The following OSBP2 variants were observed in gnomAD, a reference collection of about 807,000 sequenced individuals.
OSBP2 encodes the protein oxysterol-binding protein 2.
In OSBP2, 66 loss-of-function variants were observed where a neutral mutation model predicts 96.0. That is an observed-to-expected ratio of 0.69 (90% CI 0.56 to 0.84). The LOEUF (loss-of-function observed/expected upper bound fraction) is 0.84, where lower values mean the gene tolerates loss of function less well. Ranked by LOEUF, OSBP2 falls within the 40% of genes least tolerant of loss-of-function variation. The probability of loss-of-function intolerance (pLI) is 0.00; values close to 1 mark genes in which losing one functional copy is unlikely to be tolerated. For synonymous variants in OSBP2, 525 were observed against 520.9 expected (o/e 1.01, Z -0.11); for missense variants, 1,038 against 1,222.7 (o/e 0.85, Z 2.25).
intron 2 of OSBP2, among the ~76,000 whole-genome samples, chr22:30,762,866 C>T (rs1287473336): frequency 6.6e-6 from 1 of 152,208 alleles, no homozygotes; most frequent in Non-Finnish European, 1.5e-5. Context: ...TTAGTCTGAG[C>T]ATGGGCTTCC....
Position 30,893,062 on chromosome 22 carries a change from G to A in OSBP2, c.1870-60G>A. 4 of 1,597,926 alleles carry A rather than the reference G, an allele frequency of 2.5e-6. No individual in the cohort carries two copies. In the East Asian group the frequency reaches 6.7e-5, roughly 27 times the overall value. ...GGGCAAGCTGTCCCTCCCTGGCTGGGGCAAGTGGAACCTGGGCTCATGTCT... is the reference window on the plus strand; with the variant it reads ...GGGCAAGCTGTCCCTCCCTGGCTGGAGCAAGTGGAACCTGGGCTCATGTCT... On this transcript the variant is annotated intron_variant, in intron 8 of 13. Coordinates refer to ENST00000332585, the MANE Select transcript of OSBP2 (RefSeq NM_030758.4).
intron 3 of OSBP2, among the ~76,000 whole-genome samples, chr22:30,875,199 G>T (rs1314531841): frequency 2.6e-5 from 4 of 152,110 alleles, no homozygotes; most frequent in Non-Finnish European, 5.9e-5. Flanking sequence ...AGCCTGCCGA[G>T]GTCACCCCTG....
chr22:30,764,500 G>A (rs2090246321), intron 2 of OSBP2: 2 of 634,272 alleles, frequency 3.2e-6, no homozygotes, highest in Non-Finnish European at 3.9e-6. Context: ...AACAGCTCTC[G>A]GGAACCCTGC....
intron 2 of OSBP2, among the ~76,000 whole-genome samples, chr22:30,862,489 G>T (rs532559514): frequency 1.1e-4 from 17 of 152,298 alleles, no homozygotes; most frequent in African/African-American, 4.1e-4. Context: ...AGACCAGCCT[G>T]GCCAATATGG....
Position 30,822,593 on chromosome 22 carries a change from T to C in OSBP2, c.854-47836T>C, listed in dbSNP as rs1162550696. 3 of 1,523,464 alleles carry C rather than the reference T, an allele frequency of 2.0e-6. No individual in the cohort carries two copies. In the African/African-American group the frequency reaches 4.1e-5, roughly 21 times the overall value. 94.4% of individuals were successfully genotyped at this position (1,523,464 alleles called of 1,614,324 possible). A position where few individuals can be genotyped will look rare whatever the true frequency, so the allele number is the denominator to read the frequency against. ...CAAGCCCCCGGGACCCGGCGCCATG[T>C]AGCGCCCCGCCGATTGGAGGCTGCC... On this transcript the variant is annotated intron_variant, in intron 2 of 13. Coordinates refer to ENST00000332585, the MANE Select transcript of OSBP2 (RefSeq NM_030758.4).
Position 30,906,051 on chromosome 22 carries a change from AGCT to A in OSBP2, c.2593_2595del (p.Cys865del), listed in dbSNP as rs775790679. 1 of 1,558,718 alleles carries A rather than the reference AGCT, an allele frequency of 6.4e-7. No homozygotes were observed. Among genetic ancestry groups the A allele is most frequent in the Admixed American group, 1.9e-5 (1 of 51,896 alleles). On this transcript the variant is annotated inframe_deletion, in exon 13 of 14. Transcript: ENST00000332585. The stretch of plus-strand genomic sequence containing the variant: ...GCTGGAGGCCTGCGGGCCGGGCAGC[AGCT>A]GCAGCTCGGAGGAAGGTGAGGCCGG...
chr22:30,903,749 C>G (rs1432881531), intron 12 of OSBP2, among the ~76,000 whole-genome samples: 1 of 152,210 alleles, frequency 6.6e-6, no homozygotes, highest in Non-Finnish European at 1.5e-5. Flanking sequence ...CGGTGTTTCC[C>G]CAAATCCCTG....
At chr22:30,902,539 G>A in intron 12 of OSBP2, 2 of 1,354,614 alleles carry the variant, frequency 1.5e-6, no homozygotes, top group South Asian at 1.2e-5. Flanking sequence ...GGCAGGGGAG[G>A]TAGTCACCCA....
At chr22:30,815,900 A>T (rs2091077846) in intron 2 of OSBP2, among the ~76,000 whole-genome samples, 1 of 152,228 alleles carries the variant, frequency 6.6e-6, no homozygotes. Flanking sequence ...ATAATGATGC[A>T]GTAAATATCT....
At chr22:30,732,919 G>C (rs1401168545) in intron 1 of OSBP2, among the ~76,000 whole-genome samples, 2 of 152,192 alleles carry the variant, frequency 1.3e-5, no homozygotes, top group African/African-American at 4.8e-5. Context: ...ACAGCTGCTA[G>C]GCTGAAATGG....
rs529770198 is a variant in OSBP2 at position 30,790,239 on chromosome 22, G to A, written c.853+48870G>A. 1.3e-3 allele frequency among the ~76,000 whole-genome samples: 202 copies of A among 152,098 alleles called. 1 individual carries two copies. Among genetic ancestry groups the A allele is most frequent in the African/African-American group, 4.8e-3 (197 of 41,466 alleles). The stretch of plus-strand genomic sequence containing the variant: ...TGGCCTACAGGGATTCCGGGTTCAG[G>A]AAAGACTTTGAATCTGCAGCCACAT... On this transcript the variant is annotated intron_variant, in intron 2 of 13. Coordinates refer to ENST00000332585, the MANE Select transcript of OSBP2 (RefSeq NM_030758.4).
chr22:30,756,587 G>A (rs764843795), intron 2 of OSBP2, among the ~76,000 whole-genome samples: 16 of 152,188 alleles, frequency 1.1e-4, no homozygotes, highest in Non-Finnish European at 2.1e-4. Flanking sequence ...CAGCTACTCA[G>A]GAGGCTGAGG....
intron 1 of OSBP2, among the ~76,000 whole-genome samples, chr22:30,730,502 A>G (rs573917455): frequency 6.6e-6 from 1 of 150,536 alleles, no homozygotes; most frequent in Admixed American, 6.7e-5. Context: ...TTTTGTATCT[A>G]CTCCCTCCCC....
intron 2 of OSBP2, among the ~76,000 whole-genome samples, chr22:30,864,437 C>T (rs893549273): frequency 2.6e-5 from 4 of 152,076 alleles, no homozygotes; most frequent in East Asian, 1.9e-4. Context: ...GTGTGTGCGG[C>T]GTGGCTCAGG....
intron 2 of OSBP2, among the ~76,000 whole-genome samples, chr22:30,753,658 C>T (rs964485256): frequency 3.3e-5 from 5 of 152,152 alleles, no homozygotes; most frequent in African/African-American, 1.2e-4. Flanking sequence ...TCAGCAGCCA[C>T]CACAGAGCGG....
Position 30,840,350 on chromosome 22 carries a change from G to T in OSBP2, c.854-30079G>T, listed in dbSNP as rs541049276. Among the ~76,000 whole-genome samples, 31 of 151,616 alleles carry T rather than the reference G, an allele frequency of 2.0e-4. No homozygotes were observed. In the South Asian group the frequency reaches 6.5e-3, roughly 32 times the overall value. ...AAAAAAAAAAAGAAAGCTGAAACTG[G>T]ATCCCTTCCTTACACCTTACACCCT... is the stretch of plus-strand genomic sequence containing the variant. On this transcript the variant is annotated intron_variant, in intron 2 of 13. Transcript: ENST00000332585.
Position 30,870,404 on chromosome 22 carries a change from GT to G in OSBP2, c.854-24del. The G allele has an allele frequency of 6.2e-7, 1 of 1,612,202 alleles. No individual in the cohort carries two copies. The highest frequency in any genetic ancestry group is 8.5e-7 in the Non-Finnish European group (1 of 1,179,626). On this transcript the variant is annotated intron_variant, in intron 2 of 13. Transcript: ENST00000332585. This position sits in a 1 kb window ranked among gnomAD's most constrained non-coding sequence, Gnocchi z 4.1. ...GGTACCACGTCTGTTCGTAATGACC[GT>G]AACAACTCTATTTTCTTCCACAGAT...
Position 30,699,977 on chromosome 22 carries a change from T to C in OSBP2, c.644+4424T>C, listed in dbSNP as rs867827585. Among the ~76,000 whole-genome samples the C allele has an allele frequency of 4.6e-4, 70 of 151,794 alleles. 2 individuals are homozygous for C. The highest frequency in any genetic ancestry group is 4.1e-3 in the Admixed American group (62 of 15,218). On this transcript the variant is annotated intron_variant, in intron 1 of 13. Coordinates refer to ENST00000332585, the MANE Select transcript of OSBP2 (RefSeq NM_030758.4). Reference sequence around the variant, plus strand: ...AAGATTCTTTTTTTCTTTTTTTTTTTTTTGAGATGGAGTCTCGTTCTGTCA... The same window carrying C: ...AAGATTCTTTTTTTCTTTTTTTTTTCTTTGAGATGGAGTCTCGTTCTGTCA...
At chr22:30,770,233 G>A (rs931987012) in intron 2 of OSBP2, among the ~76,000 whole-genome samples, 1 of 151,892 alleles carries the variant, frequency 6.6e-6, no homozygotes, top group African/African-American at 2.4e-5. Context: ...CTGAGTAGCT[G>A]GGATTACAGG....
Sources: gnomAD v4.1 joint callset for allele counts (sites outside exome capture counted in the v4.1 genomes callset) on GRCh38, gnomAD v4.1.1 for gene constraint, Gnocchi (gnomAD v3.1) non-coding constraint, MANE v1.5 for transcripts, NCBI Gene and HGNC (gene_info 2026-07-23, HGNC 2026-07-21) for gene names.